The following PAIP2B variants were observed in gnomAD, a reference collection of about 807,000 sequenced individuals.
PAIP2B encodes polyadenylate-binding protein-interacting protein 2B.
In PAIP2B, 13 loss-of-function variants were observed where a neutral mutation model predicts 17.0. The ratio of observed to expected loss-of-function variants is 0.76; its 90% CI spans 0.50 to 1.22. The LOEUF is 1.22. Among genes scored for constraint, PAIP2B ranks in the 50% most tolerant of loss-of-function variants. PAIP2B has a pLI of 0.00. For synonymous variants in PAIP2B, 43 were observed against 48.7 expected (o/e 0.88, Z 0.48); for missense variants, 117 against 144.5 (o/e 0.81, Z 0.98).
chr2:71,213,004 C>T (rs775199080), intron 1 of PAIP2B, among the ~76,000 whole-genome samples: 2 of 151,510 alleles, frequency 1.3e-5, no homozygotes, highest in Non-Finnish European at 2.9e-5. Flanking sequence ...CTCCTGCCTC[C>T]GCCTCCCAAA....
chr2:71,191,896 C>T (rs2103755974), intron 2 of PAIP2B, among the ~76,000 whole-genome samples: 1 of 152,308 alleles, frequency 6.6e-6, no homozygotes, highest in East Asian at 1.9e-4. Context: ...CAATGCGTTA[C>T]TGCTGAATCT....
chr2:71,203,227 A>G (rs1487062769), intron 1 of PAIP2B, among the ~76,000 whole-genome samples: 1 of 152,162 alleles, frequency 6.6e-6, no homozygotes, highest in Non-Finnish European at 1.5e-5. Context: ...TAATAGGATC[A>G]TGTGATACAA....
At chr2:71,188,965 T>A (rs1202875195) in intron 3 of PAIP2B, among the ~76,000 whole-genome samples, 1 of 152,078 alleles carries the variant, frequency 6.6e-6, no homozygotes, top group Non-Finnish European at 1.5e-5. Context: ...GCAAGATTGT[T>A]CAGAATATGA....
intron 1 of PAIP2B, among the ~76,000 whole-genome samples, chr2:71,218,663 G>T (rs1675494284): frequency 6.6e-6 from 1 of 151,944 alleles, no homozygotes; most frequent in Non-Finnish European, 1.5e-5. Flanking sequence ...AAAAATGCTT[G>T]CTCAAGTCCA....
Position 71,187,960 on chromosome 2 carries a change from C to G in PAIP2B, c.*519G>C, listed in dbSNP as rs1001438305. 6.4e-6 allele frequency: 1 copy of G among 155,346 alleles called. No homozygotes were observed. Among genetic ancestry groups the G allele is most frequent in the African/African-American group, 2.4e-5 (1 of 41,420 alleles). 9.6% of individuals were successfully genotyped at this position (155,346 alleles called of 1,614,324 possible). ...AGGGCTTGACAGCACATTGGTTATC[C>G]GAGTTCATTGCAGGAGACCCCGGGG... is the stretch of plus-strand genomic sequence containing the variant. On this transcript the variant is annotated 3_prime_UTR_variant, in exon 4 of 4. Transcript: ENST00000244221.
intron 1 of PAIP2B, among the ~76,000 whole-genome samples, chr2:71,217,553 C>T (rs1181829128): frequency 6.6e-6 from 1 of 152,222 alleles, no homozygotes; most frequent in Non-Finnish European, 1.5e-5. Flanking sequence ...AAAGCCTCTA[C>T]CCAGGCAAAG....
At chr2:71,224,109 G>A (rs1675662193) in intron 1 of PAIP2B, among the ~76,000 whole-genome samples, 1 of 152,198 alleles carries the variant, frequency 6.6e-6, no homozygotes, top group Non-Finnish European at 1.5e-5. Context: ...ATACAAAGAT[G>A]ACCAGAGGAC....
chr2:71,212,784 C>T (rs533759254), intron 1 of PAIP2B, among the ~76,000 whole-genome samples: 2 of 151,796 alleles, frequency 1.3e-5, no homozygotes, highest in Admixed American at 6.6e-5. Flanking sequence ...GACAGGGTCT[C>T]ACTCTGTAGA....
chr2:71,225,160 G>A (rs1445821217), intron 1 of PAIP2B, among the ~76,000 whole-genome samples: 2 of 152,170 alleles, frequency 1.3e-5, no homozygotes, highest in African/African-American at 2.4e-5. Context: ...AAGTGGCTGG[G>A]ATTACAGGCA....
intron 1 of PAIP2B, among the ~76,000 whole-genome samples, chr2:71,219,072 C>CGCCTA (rs1238734302): frequency 4.1e-5 from 6 of 146,812 alleles, no homozygotes; most frequent in African/African-American, 1.5e-4. Context: ...CCCGCCACCA[C>CGCCTA]GCCTAGCTAA....
intron 2 of PAIP2B, 145 bp downstream of exon 2, chr2:71,202,307 C>T (rs1001151509): frequency 2.4e-5 from 23 of 978,302 alleles, no homozygotes; most frequent in Non-Finnish European, 3.4e-5. Context: ...CTTGGTCATT[C>T]CAGATGAGGC....
chr2:71,223,210 C>T (rs775732983), intron 1 of PAIP2B, among the ~76,000 whole-genome samples: 5 of 152,066 alleles, frequency 3.3e-5, no homozygotes, highest in East Asian at 1.9e-4. Context: ...GTCAGAATAT[C>T]GAGACCAGCC....
At chr2:71,207,482 T>A (rs1285961893) in intron 1 of PAIP2B, among the ~76,000 whole-genome samples, 1 of 152,134 alleles carries the variant, frequency 6.6e-6, no homozygotes, top group South Asian at 2.1e-4. Context: ...TCCTAAATAA[T>A]AGAAGCCATT....
intron 1 of PAIP2B, among the ~76,000 whole-genome samples, chr2:71,214,868 T>C (rs1372540744): frequency 1.3e-5 from 2 of 152,098 alleles, no homozygotes; most frequent in Non-Finnish European, 2.9e-5. Flanking sequence ...AAAAACAGTT[T>C]CCAAGGATGA....
chr2:71,225,791 C>G lies in PAIP2B; in HGVS notation c.-12+1137G>C, dbSNP rs559417027. Reference sequence around the variant, plus strand: ...TCAAAAAACATATGGCTAGAACCGACATTACTAGAAACCAAACGAATATAC... The same window carrying G: ...TCAAAAAACATATGGCTAGAACCGAGATTACTAGAAACCAAACGAATATAC... On this transcript the variant is annotated intron_variant, in intron 1 of 3. Transcript: ENST00000244221. Among the ~76,000 whole-genome samples the G allele has an allele frequency of 2.0e-5, 3 of 152,298 alleles. No individual in the cohort carries two copies. The South Asian group carries it at 6.2e-4, about 32-fold the overall frequency.
chr2:71,207,445 A>G (rs1675160023), intron 1 of PAIP2B, among the ~76,000 whole-genome samples: 2 of 152,160 alleles, frequency 1.3e-5, no homozygotes, highest in Non-Finnish European at 2.9e-5. Context: ...GGACCTTAAG[A>G]GACCACATGA....
chr2:71,221,045 T>C (rs1028485608), intron 1 of PAIP2B, among the ~76,000 whole-genome samples: 1 of 152,210 alleles, frequency 6.6e-6, no homozygotes, highest in African/African-American at 2.4e-5. Flanking sequence ...AGTGTAATCA[T>C]TCCCAGAATT....
intron 2 of PAIP2B, among the ~76,000 whole-genome samples, chr2:71,194,156 C>T (rs745868873): frequency 2.0e-5 from 3 of 152,060 alleles, no homozygotes; most frequent in Non-Finnish European, 2.9e-5. Context: ...TAACGTGATG[C>T]CCTCAGCTTT....
intron 1 of PAIP2B, among the ~76,000 whole-genome samples, chr2:71,210,684 A>G (rs1166153031): frequency 6.6e-6 from 1 of 152,248 alleles, no homozygotes; most frequent in African/African-American, 2.4e-5. Context: ...AAACAAAGGT[A>G]AATTACAAAT....
Sources: gnomAD v4.1 joint callset for allele counts (sites outside exome capture counted in the v4.1 genomes callset) on GRCh38, gnomAD v4.1.1 for gene constraint, MANE v1.5 for transcripts, NCBI Gene and HGNC (gene_info 2026-07-23, HGNC 2026-07-21) for gene names.